The following GPBP1L1 variants were observed in gnomAD, a reference collection of about 807,000 sequenced individuals.
GPBP1L1 encodes the protein vasculin-like protein 1.
GPBP1L1 carries 23 observed loss-of-function variants against 52.5 expected under a neutral mutation model. That is an observed-to-expected ratio of 0.44 (90% CI 0.32 to 0.62). The LOEUF (loss-of-function observed/expected upper bound fraction) is 0.62, where lower values mean the gene tolerates loss of function less well. Among genes scored for constraint, GPBP1L1 ranks in the 20% least tolerant of loss-of-function variants. The pLI is 0.06. For synonymous variants in GPBP1L1, 243 were observed against 203.1 expected, an observed-to-expected ratio of 1.20 and a Z score of -1.67; for missense variants, 596 against 579.3, an observed-to-expected ratio of 1.03 and a Z score of -0.30.
At position 45,628,423 on chromosome 1, in the gene GPBP1L1, G is replaced by A; in HGVS notation, c.1273-15C>T. ...TTTCTTCTCAGCTATGGTTAGCATG[G>A]GAGAGAAAGAAAAAAGAAAAAAATA... On this transcript the variant is annotated splice_polypyrimidine_tract_variant and intron_variant, in intron 12 of 12. Transcript: ENST00000355105. 6.2e-7 allele frequency: 1 copy of A among 1,610,754 alleles called. No individual in the cohort carries two copies.
intron 8 of GPBP1L1, among the ~76,000 whole-genome samples, chr1:45,637,090 G>A (rs147586003): frequency 6.6e-5 from 10 of 152,184 alleles, no homozygotes; most frequent in African/African-American, 9.6e-5. Flanking sequence ...CCAGTTATCC[G>A]TAAAGACTTT....
At chr1:45,645,174 C>T (rs1221003138) in intron 6 of GPBP1L1, among the ~76,000 whole-genome samples, 1 of 152,140 alleles carries the variant, frequency 6.6e-6, no homozygotes, top group Admixed American at 6.5e-5. Flanking sequence ...TTTAAGTATG[C>T]TGTCTGGATA....
At chr1:45,642,063 G>C (rs1644681434) in intron 7 of GPBP1L1, among the ~76,000 whole-genome samples, 1 of 152,154 alleles carries the variant, frequency 6.6e-6, no homozygotes, top group Non-Finnish European at 1.5e-5. Context: ...GTCCCAGCTA[G>C]GGAGGTGGAG....
intron 6 of GPBP1L1, 131 bp from the exon 7 acceptor site, chr1:45,642,630 A>G: frequency 1.5e-6 from 1 of 678,138 alleles, no homozygotes; most frequent in Admixed American, 2.2e-5. Flanking sequence ...TACTAATTTG[A>G]CACTGTATTC....
intron 12 of GPBP1L1, among the ~76,000 whole-genome samples, chr1:45,628,843 T>C (rs1644492096): frequency 6.6e-6 from 1 of 152,104 alleles, no homozygotes. Context: ...TTTGTATTTT[T>C]AGTAGAGATG....
intron 2 of GPBP1L1, among the ~76,000 whole-genome samples, chr1:45,680,715 T>C (rs1645202912): frequency 6.6e-6 from 1 of 152,146 alleles, no homozygotes; most frequent in South Asian, 2.1e-4. Flanking sequence ...TTTCACCCCT[T>C]TTTGTCCCAA....
chr1:45,686,077 C>G (rs1463174172), intron 1 of GPBP1L1, among the ~76,000 whole-genome samples: 1 of 152,264 alleles, frequency 6.6e-6, no homozygotes, highest in Non-Finnish European at 1.5e-5. Flanking sequence ...CCAAGTCACT[C>G]AACGAGCACC....
chr1:45,639,206 GT>G (rs55884350), intron 8 of GPBP1L1, among the ~76,000 whole-genome samples: 151,411 of 152,270 alleles, frequency 0.99, 75,290 homozygotes, highest in Middle Eastern at 1. Context: ...ATATTCAATT[GT>G]TTTTGGAATG....
intron 2 of GPBP1L1, among the ~76,000 whole-genome samples, chr1:45,674,914 G>A (rs967126652): frequency 1.6e-4 from 24 of 151,994 alleles, no homozygotes; most frequent in African/African-American, 4.1e-4. Context: ...TACTTTTTTC[G>A]GACTCTTCCT....
At chr1:45,654,450 G>T in intron 6 of GPBP1L1, 93 bp downstream of exon 6, 1 of 1,197,446 alleles carries the variant, frequency 8.4e-7, no homozygotes. Flanking sequence ...TCCTTTTTCT[G>T]TAATTTCTGA....
At chr1:45,652,788 G>A (rs1356613624) in intron 6 of GPBP1L1, among the ~76,000 whole-genome samples, 3 of 151,808 alleles carry the variant, frequency 2.0e-5, no homozygotes, top group African/African-American at 4.8e-5. Context: ...GGCTATAGGT[G>A]CACGCCACCC....
rs533553276 is a variant in GPBP1L1 at position 45,662,590 on chromosome 1, T to A, written c.-1097-1365A>T. ...GTTCATGGGAATAAGTTCATAGGAA[T>A]AAGAAATATCAAATTCAGGATAGTA... On this transcript the variant is annotated intron_variant, in intron 2 of 12. Coordinates refer to ENST00000355105, the MANE Select transcript of GPBP1L1 (RefSeq NM_021639.5). Among the ~76,000 whole-genome samples, 114 of 152,244 alleles carry A rather than the reference T, an allele frequency of 7.5e-4. 3 individuals are homozygous for A. The South Asian group carries it at 0.023, about 30-fold the overall frequency.
intron 8 of GPBP1L1, among the ~76,000 whole-genome samples, chr1:45,639,725 A>G (rs908905331): frequency 6.6e-6 from 1 of 152,004 alleles, no homozygotes; most frequent in African/African-American, 2.4e-5. Context: ...AAAATACAAA[A>G]AAACACCGAG....
At chr1:45,688,000 A>C (rs1645311099), upstream of GPBP1L1, 1 of 152,174 alleles carries the variant, frequency 6.6e-6, no homozygotes, top group African/African-American at 2.4e-5. Context: ...CTGTGGGCAG[A>C]TTCTGCTGCC....
At chr1:45,640,854 C>T (rs1014698048) in intron 7 of GPBP1L1, among the ~76,000 whole-genome samples, 1 of 151,934 alleles carries the variant, frequency 6.6e-6, no homozygotes, top group Non-Finnish European at 1.5e-5. Flanking sequence ...CCCATCTTTA[C>T]AAAAAATACA....
At chr1:45,685,010 T>C (rs535443867) in intron 2 of GPBP1L1, among the ~76,000 whole-genome samples, 3 of 152,276 alleles carry the variant, frequency 2.0e-5, no homozygotes, top group Non-Finnish European at 2.9e-5. Context: ...TATTGAAATT[T>C]ATTGGTTTTG....
rs183108178 is a variant in GPBP1L1 at position 45,640,444 on chromosome 1, C to T, written c.551-41G>A. Reference sequence around the variant, plus strand: ...GTGGAGAGACAACAGAATGTCAAACCTGTTGTGTAACATGAAGCATAGTTT... The same window carrying T: ...GTGGAGAGACAACAGAATGTCAAACTTGTTGTGTAACATGAAGCATAGTTT... On this transcript the variant is annotated intron_variant, in intron 7 of 12. Transcript: ENST00000355105. 2,255 of 1,522,936 alleles carry T rather than the reference C, an allele frequency of 1.5e-3. 5 individuals are homozygous for T. Among genetic ancestry groups the T allele is most frequent in the Non-Finnish European group, 1.8e-3 (2,008 of 1,099,764 alleles). The allele number at this position is 1,522,936 out of a possible 1,614,324, so 94.3% of individuals were successfully genotyped here.
Position 45,633,628 on chromosome 1 carries a change from G to A in GPBP1L1, c.905C>T (p.Pro302Leu). ...ACGAGAGGAGCTGATCTCAATTGGA[G>A]GGGTGGTGCTGGAGGGACTCTGGGC... ...SPKESPSSTTPPIEISSSRLT... is the reference protein window; with the variant it reads ...SPKESPSSTTLPIEISSSRLT... Residue 302 changes from proline (P) to leucine (L), a missense_variant, in exon 10 of 13, where the codon CCT becomes CTT. By Grantham distance (98) the Pro-to-Leu change is moderately conservative (BLOSUM62 -3). Transcript: ENST00000355105. 6.2e-7 allele frequency: 1 copy of A among 1,613,928 alleles called. No individual in the cohort carries two copies. The highest frequency in any genetic ancestry group is 8.5e-7 in the Non-Finnish European group (1 of 1,179,972).
intron 3 of GPBP1L1, among the ~76,000 whole-genome samples, 166 bp downstream of exon 3, chr1:45,660,018 T>G (rs1383259540): frequency 6.6e-6 from 1 of 152,238 alleles, no homozygotes; most frequent in African/African-American, 2.4e-5. Flanking sequence ...TTCACATTAA[T>G]TTCTTCAAAT....
Sources: allele counts gnomAD v4.1 joint callset (sites outside exome capture counted in the v4.1 genomes callset), GRCh38; gene constraint gnomAD v4.1.1; transcripts MANE v1.5; gene names NCBI Gene and HGNC (gene_info 2026-07-23, HGNC 2026-07-21).